FRMD6: variants seen among roughly 807,000 people sequenced by gnomAD.
FRMD6 encodes the protein FERM domain-containing protein 6.
In FRMD6, 37 loss-of-function variants were observed where a neutral mutation model predicts 73.2. That is an observed-to-expected ratio of 0.51 (90% confidence interval 0.39 to 0.66). FRMD6 has a LOEUF of 0.66. Ranked by LOEUF, FRMD6 falls within the 30% of genes least tolerant of loss-of-function variation. FRMD6 has a pLI of 0.00. For synonymous variants in FRMD6, 273 were observed against 282.2 expected (o/e 0.97, Z 0.33); for missense variants, 714 against 780.5 (o/e 0.91, Z 1.02).
the FRMD6 span, among the ~76,000 whole-genome samples, chr14:51,467,490 C>G: frequency 6.6e-6 from 1 of 152,242 alleles, no homozygotes; most frequent in Non-Finnish European, 1.5e-5. Flanking sequence ...GTACACCTCC[C>G]AGACGGGGTA....
At chr14:51,699,267 A>G (rs557015097) in intron 3 of FRMD6, among the ~76,000 whole-genome samples, 44 of 152,176 alleles carry the variant, frequency 2.9e-4, no homozygotes, top group Middle Eastern at 6.8e-3. Context: ...TGTGGTAGTT[A>G]AAACAATAAA....
At chr14:51,708,808 C>G (rs1436317076) in intron 7 of FRMD6, among the ~76,000 whole-genome samples, 1 of 152,100 alleles carries the variant, frequency 6.6e-6, no homozygotes, top group Non-Finnish European at 1.5e-5. Context: ...CACCTAAGAT[C>G]ACAAAACTAA....
upstream of FRMD6, among the ~76,000 whole-genome samples, chr14:51,484,573 T>C (rs1882727787): frequency 6.6e-6 from 1 of 152,226 alleles, no homozygotes; most frequent in East Asian, 1.9e-4. Context: ...GAGAAGCTCC[T>C]GCCTCCATAA....
At chr14:51,541,460 A>C (rs1486604783) in intron 1 of FRMD6, among the ~76,000 whole-genome samples, 1 of 152,096 alleles carries the variant, frequency 6.6e-6, no homozygotes, top group Non-Finnish European at 1.5e-5. Context: ...CCCTATAGTA[A>C]AATGAAATAA....
intron 1 of FRMD6, among the ~76,000 whole-genome samples, chr14:51,687,032 C>T (rs987676028): frequency 3.9e-5 from 6 of 152,176 alleles, no homozygotes; most frequent in African/African-American, 1.2e-4. Context: ...AGTGCTGCTT[C>T]GTATCGACTC....
intron 2 of FRMD6, among the ~76,000 whole-genome samples, chr14:51,576,615 C>T (rs1325309646): frequency 2.6e-5 from 4 of 152,176 alleles, no homozygotes; most frequent in Admixed American, 1.3e-4. Flanking sequence ...CCCTGCACCC[C>T]TAAGCTCACG....
At chr14:51,667,129 C>T (rs1893658464) in intron 1 of FRMD6, among the ~76,000 whole-genome samples, 1 of 151,604 alleles carries the variant, frequency 6.6e-6, no homozygotes, top group African/African-American at 2.4e-5. Flanking sequence ...GGTGACAGAG[C>T]AAGATCCTGT....
chr14:51,687,085 TTC>T (rs1194397237), intron 1 of FRMD6, among the ~76,000 whole-genome samples: 1 of 152,204 alleles, frequency 6.6e-6, no homozygotes, highest in Non-Finnish European at 1.5e-5. Context: ...TCCAGTCATC[TTC>T]TGTGCTGCAT....
At chr14:51,563,215 T>C (rs2139524346) in intron 1 of FRMD6, among the ~76,000 whole-genome samples, 1 of 152,164 alleles carries the variant, frequency 6.6e-6, no homozygotes, top group South Asian at 2.1e-4. Context: ...CAGCATCATT[T>C]CCATAGTAAA....
At chr14:51,417,159 G>A in the FRMD6 span, among the ~76,000 whole-genome samples, 3 of 152,128 alleles carry the variant, frequency 2.0e-5, no homozygotes, top group Non-Finnish European at 4.4e-5. Context: ...TACATTTAAG[G>A]TTAATATGGT....
intron 1 of FRMD6, among the ~76,000 whole-genome samples, chr14:51,663,517 G>A (rs1893372484): frequency 6.6e-6 from 1 of 152,198 alleles, no homozygotes; most frequent in Admixed American, 6.5e-5. Context: ...TGCAGAAACA[G>A]AAATACTGCA....
intron 4 of FRMD6, among the ~76,000 whole-genome samples, chr14:51,701,613 TA>T (rs1896322590): frequency 6.8e-6 from 1 of 147,750 alleles, no homozygotes; most frequent in African/African-American, 2.5e-5. Context: ...TTAGTATATA[TA>T]AAAAATGGGA....
At chr14:51,690,915 T>G (rs1895520448) in intron 2 of FRMD6, among the ~76,000 whole-genome samples, 1 of 152,232 alleles carries the variant, frequency 6.6e-6, no homozygotes. Context: ...AAACCTTATG[T>G]GTGCAGCTCA....
the FRMD6 span, among the ~76,000 whole-genome samples, chr14:51,465,090 A>G: frequency 1.3e-5 from 2 of 152,178 alleles, no homozygotes; most frequent in Non-Finnish European, 2.9e-5. Flanking sequence ...TAACAACAAA[A>G]AGGAAAAACA....
At chr14:51,484,667 C>T (rs1882728787), upstream of FRMD6, among the ~76,000 whole-genome samples, 1 of 152,212 alleles carries the variant, frequency 6.6e-6, no homozygotes, top group African/African-American at 2.4e-5. Flanking sequence ...CCATGTGCAA[C>T]TAATTTGGAG....
At chr14:51,705,377 C>A (rs1219189151) in intron 6 of FRMD6, among the ~76,000 whole-genome samples, 1 of 152,100 alleles carries the variant, frequency 6.6e-6, no homozygotes, top group African/African-American at 2.4e-5. Flanking sequence ...GGAACTAACC[C>A]CTTCTTTCAG....
chr14:51,707,117 G>GA (rs1163585555), intron 6 of FRMD6, among the ~76,000 whole-genome samples: 1 of 151,796 alleles, frequency 6.6e-6, no homozygotes, highest in East Asian at 1.9e-4. Flanking sequence ...CTTTTGACCT[G>GA]AAAAAAAGGT....
intron 1 of FRMD6, among the ~76,000 whole-genome samples, chr14:51,549,950 G>A (rs1292237404): frequency 1.3e-5 from 2 of 152,134 alleles, no homozygotes; most frequent in African/African-American, 4.8e-5. Context: ...TGACTCCCCT[G>A]CCCCCAGCAC....
At chr14:51,540,513 C>G (rs1886148817) in intron 1 of FRMD6, among the ~76,000 whole-genome samples, 1 of 152,070 alleles carries the variant, frequency 6.6e-6, no homozygotes, top group Non-Finnish European at 1.5e-5. Flanking sequence ...TTGGCTACCA[C>G]AATGCCTGGC....
Sources: gnomAD v4.1 joint callset for allele counts (sites outside exome capture counted in the v4.1 genomes callset) on GRCh38, gnomAD v4.1.1 for gene constraint, MANE v1.5 for transcripts, NCBI Gene and HGNC (gene_info 2026-07-23, HGNC 2026-07-21) for gene names.